Variants in DNAH12 observed in about 807,000 individuals in gnomAD.
DNAH12 encodes the protein dynein axonemal heavy chain 12.
A neutral mutation model predicts 371.5 loss-of-function variants in DNAH12; 285 were observed. The ratio of observed to expected loss-of-function variants is 0.77; its 90% CI spans 0.70 to 0.85. The LOEUF is 0.85. DNAH12 is among the 40% of genes least tolerant of loss of function. The pLI, the probability that DNAH12 is intolerant of heterozygous loss-of-function variation, is 0.00. For missense variants in DNAH12, 3,611 were observed against 3,689.4 expected, an observed-to-expected ratio of 0.98 and a Z score of 0.55; for synonymous variants, 1,200 against 1,213.0, an observed-to-expected ratio of 0.99 and a Z score of 0.22.
intron 62 of DNAH12, among the ~76,000 whole-genome samples, chr3:57,325,893 G>A (rs1416725052): frequency 6.6e-6 from 1 of 152,222 alleles, no homozygotes; most frequent in African/African-American, 2.4e-5. Flanking sequence ...GGAGCTGAAA[G>A]CCAAGGCACG....
intron 60 of DNAH12, among the ~76,000 whole-genome samples, chr3:57,337,080 A>C (rs1276222704): frequency 6.6e-6 from 1 of 152,242 alleles, no homozygotes; most frequent in Non-Finnish European, 1.5e-5. Context: ...AATGAAAACT[A>C]AAAGGAAGTA....
At chr3:57,455,389 C>G (rs2065874737) in intron 22 of DNAH12, among the ~76,000 whole-genome samples, 1 of 151,094 alleles carries the variant, frequency 6.6e-6, no homozygotes, top group Admixed American at 6.6e-5. Context: ...TGTGGTGAAA[C>G]CCCCATCTCT....
chr3:57,527,172 T>C (rs936691815), intron 2 of DNAH12, among the ~76,000 whole-genome samples: 1 of 152,174 alleles, frequency 6.6e-6, no homozygotes, highest in Non-Finnish European at 1.5e-5. Flanking sequence ...TCTTTTCCTA[T>C]AGAGTTTGTA....
intron 60 of DNAH12, among the ~76,000 whole-genome samples, chr3:57,350,291 T>C (rs1553659720): frequency 6.6e-6 from 1 of 151,874 alleles, no homozygotes; most frequent in East Asian, 1.9e-4. Flanking sequence ...TTGAGATAAA[T>C]AAAAAATTAA....
At chr3:57,322,900 A>G in intron 64 of DNAH12, 107 bp downstream of exon 64, 4 of 1,432,050 alleles carry the variant, frequency 2.8e-6, no homozygotes, top group Non-Finnish European at 3.7e-6. Flanking sequence ...ACTGCACTCC[A>G]GCCTGGGAGA....
chr3:57,323,184 T>A lies in DNAH12; in HGVS notation c.10206A>T (p.Gly3402=), dbSNP rs747264669. 21 of 1,552,280 alleles carry A rather than the reference T, an allele frequency of 1.4e-5. No homozygotes were observed. The African/African-American group carries it at 2.7e-4, about 20-fold the overall frequency. Residue 3402 remains glycine, a synonymous_variant, in exon 64 of 74, where the codon GGA becomes GGT. Coordinates refer to ENST00000495027, the MANE Select transcript of DNAH12 (RefSeq NM_001366028.2). Reference sequence around the variant, plus strand: ...CTTTAATCATTTTTGCTGCAATCGGTCCTTGTCCCTGTCCCAGTGAAATAG... The same window carrying A: ...CTTTAATCATTTTTGCTGCAATCGGACCTTGTCCCTGTCCCAGTGAAATAG... ...FQAISLGQGQ[G]PIAAKMIKAA... is the part of the protein sequence containing the mutation.
At chr3:57,418,049 G>A (rs1343069682) in intron 37 of DNAH12, among the ~76,000 whole-genome samples, 1 of 152,020 alleles carries the variant, frequency 6.6e-6, no homozygotes, top group Non-Finnish European at 1.5e-5. Flanking sequence ...CTACTCAGGA[G>A]GCTGAGGTAG....
At chr3:57,420,329 A>C (rs1575577576) in intron 36 of DNAH12, among the ~76,000 whole-genome samples, 1 of 152,212 alleles carries the variant, frequency 6.6e-6, no homozygotes, top group Admixed American at 6.5e-5. Context: ...CTGTGGCTGG[A>C]ATCTCACAAT....
At chr3:57,316,239 T>C (rs1340017249) in intron 65 of DNAH12, among the ~76,000 whole-genome samples, 5 of 152,004 alleles carry the variant, frequency 3.3e-5, no homozygotes, top group Non-Finnish European at 5.9e-5. Context: ...GGTATGCATT[T>C]TAGTTTGTTT....
At chr3:57,377,269 T>G (rs1372567445) in intron 52 of DNAH12, 47 bp from the exon 53 acceptor site, 3 of 152,162 alleles carry the variant, frequency 2.0e-5, no homozygotes, top group Non-Finnish European at 4.4e-5. Context: ...TTTGTAAAAC[T>G]GATATCTATA....
At chr3:57,533,964 C>T (rs2068938908) in intron 2 of DNAH12, among the ~76,000 whole-genome samples, 1 of 152,146 alleles carries the variant, frequency 6.6e-6, no homozygotes, top group South Asian at 2.1e-4. Context: ...GCCTAGACTG[C>T]CTTTCAAGTT....
Position 57,415,645 on chromosome 3 carries a change from A to T in DNAH12, c.5715-81T>A. On this transcript the variant is annotated intron_variant, in intron 37 of 73. Coordinates refer to ENST00000495027, the MANE Select transcript of DNAH12 (RefSeq NM_001366028.2). Reference sequence around the variant, plus strand: ...TCTACTAAAGGAGGCGGTAGTTAAAAGTGTACATAAGAATCAAATCATCTT... The same window carrying T: ...TCTACTAAAGGAGGCGGTAGTTAAATGTGTACATAAGAATCAAATCATCTT... The T allele has an allele frequency of 3.0e-6, 4 of 1,325,932 alleles. 1 individual carries two copies. The South Asian group carries it at 6.6e-5, about 22-fold the overall frequency. 82.1% of individuals were successfully genotyped at this position (1,325,932 alleles called of 1,614,324 possible). A position where few individuals can be genotyped will look rare whatever the true frequency, so the allele number is the denominator to read the frequency against.
Position 57,470,454 on chromosome 3 carries a change from T to C in DNAH12, c.2094A>G (p.Arg698=), listed in dbSNP as rs937089501. 2.6e-6 allele frequency: 4 copies of C among 1,517,020 alleles called. No individual in the cohort carries two copies. The highest frequency in any genetic ancestry group is 1.3e-5 in the South Asian group (1 of 76,260). The allele number at this position is 1,517,020 out of a possible 1,614,324, so 94.0% of individuals were successfully genotyped here. ...KFFNFVLKWQ[R]SEKRWMDGGF... is the part of the protein sequence containing the mutation. ...TTACCAGCAATTACCGTTTTTCTGA[T>C]CGCTGCCACTTCAAAACAAAATTAA... The change falls in exon 16 of 74, where the codon CGA becomes CGG. Residue 698 remains arginine (R), a synonymous_variant. Coordinates refer to ENST00000495027, the MANE Select transcript of DNAH12 (RefSeq NM_001366028.2).
At chr3:57,496,230 T>C (rs2067316626) in intron 11 of DNAH12, among the ~76,000 whole-genome samples, 1 of 151,888 alleles carries the variant, frequency 6.6e-6, no homozygotes, top group Non-Finnish European at 1.5e-5. Context: ...TGAGAGACCT[T>C]GAGCCACAGG....
chr3:57,320,043 C>A (rs552487774), intron 65 of DNAH12, among the ~76,000 whole-genome samples: 1 of 152,218 alleles, frequency 6.6e-6, no homozygotes, highest in African/African-American at 2.4e-5. Flanking sequence ...ATAAATCCCA[C>A]TTGGCCATGG....
chr3:57,403,324 C>T lies in DNAH12; in HGVS notation c.6933G>A (p.Trp2311Ter). 6.5e-7 allele frequency: 1 copy of T among 1,547,250 alleles called. No individual in the cohort carries two copies. The highest frequency in any genetic ancestry group is 8.7e-7 in the Non-Finnish European group (1 of 1,145,656). The change falls in exon 43 of 74, where the codon TGG becomes TGA. Residue 2311 changes from tryptophan (W) to a stop codon, truncating the protein, a stop_gained. Transcript: ENST00000495027. LOFTEE classifies it high-confidence loss of function. The part of the protein sequence containing the change: ...EISKSYGMNE[W>*]REDMKGLLRN... ...ATAATTTTACCTTCATATCCTCTCT[C>T]CATTCATTCATACCATAGCTCTTAG...
chr3:57,408,684 T>G, intron 39 of DNAH12, 149 bp from the exon 40 acceptor site: 2 of 1,050,036 alleles, frequency 1.9e-6, no homozygotes, highest in Non-Finnish European at 1.3e-6. Flanking sequence ...GAGAAATTTT[T>G]TTTAAAGCAG....
rs201858267 is a variant in DNAH12, at chr3:57,323,556, G to A, written c.10042C>T (p.Pro3348Ser). The A allele has an allele frequency of 7.2e-5, 111 of 1,550,774 alleles. 1 individual carries two copies. In the African/African-American group the frequency reaches 1.4e-3, roughly 19 times the overall value. Reference protein sequence around the residue: ...KLGKKFVEPPPFDLTKSYLDS... With the variant: ...KLGKKFVEPPSFDLTKSYLDS... ...AAGTAACTCTTTGTCAAATCAAATG[G>A]TGGAGGCTCTACAAACTTTTTCCCT... Residue 3348 changes from proline (P) to serine (S), a missense_variant, in exon 63 of 74, where the codon CCA (proline) becomes TCA (serine). By Grantham distance (74) the Pro-to-Ser change is moderately conservative. Coordinates refer to ENST00000495027, the MANE Select transcript of DNAH12 (RefSeq NM_001366028.2).
Position 57,507,757 on chromosome 3 carries a change from A to G in DNAH12, c.783T>C (p.Asn261=). The change falls in exon 8 of 74, where the codon AAT becomes AAC. Residue 261 remains asparagine (N), a synonymous_variant. Coordinates refer to ENST00000495027, the MANE Select transcript of DNAH12 (RefSeq NM_001366028.2). ...QTRNAEEKIM[N]TWYPKVINLF... ...GATTTATAACCTTTGGATACCATGT[A>G]TTCATTATCTTCTCTTCTGCGTTTC... 1 of 1,611,806 alleles carries G rather than the reference A, an allele frequency of 6.2e-7. No individual in the cohort carries two copies. Among genetic ancestry groups the G allele is most frequent in the Non-Finnish European group, 8.5e-7 (1 of 1,179,718 alleles).
Sources: gnomAD v4.1 joint callset for allele counts (sites outside exome capture counted in the v4.1 genomes callset) on GRCh38, gnomAD v4.1.1 for gene constraint, MANE v1.5 for transcripts, NCBI Gene and HGNC (gene_info 2026-07-23, HGNC 2026-07-21) for gene names.